Variants in XKR4 observed in about 807,000 individuals in gnomAD.
The protein encoded by XKR4 is XK-related protein 4.
XKR4 carries 12 observed loss-of-function variants against 53.9 expected under a neutral mutation model. The ratio of observed to expected loss-of-function variants is 0.22; its 90% CI spans 0.14 to 0.36. The LOEUF (loss-of-function observed/expected upper bound fraction) is 0.36. Among genes scored for constraint, XKR4 ranks in the 10% least tolerant of loss-of-function variants. The probability of loss-of-function intolerance (pLI) is 1.00; values close to 1 mark genes in which losing one functional copy is unlikely to be tolerated. For missense variants in XKR4, 799 were observed against 859.5 expected (o/e 0.93, Z 0.88); for synonymous variants, 354 against 362.4 (o/e 0.98, Z 0.26).
Position 55,534,714 on chromosome 8 carries a change from C to A in XKR4, c.*10487C>A, listed in dbSNP as rs577940796. Reference sequence around the variant, plus strand: ...GACTAAATTTTCACATAGAGGTAAACAGATCATCTCTTAATTTAATACATG... The same window carrying A: ...GACTAAATTTTCACATAGAGGTAAAAAGATCATCTCTTAATTTAATACATG... On this transcript the variant is annotated 3_prime_UTR_variant, in exon 3 of 3. Coordinates refer to ENST00000327381, the MANE Select transcript of XKR4 (RefSeq NM_052898.2). The A allele has an allele frequency of 2.0e-5, 3 of 151,124 alleles. No homozygotes were observed. The South Asian group carries it at 6.3e-4, about 32-fold the overall frequency. 9.4% of individuals were successfully genotyped at this position (151,124 alleles called of 1,614,324 possible). A position where few individuals can be genotyped will look rare whatever the true frequency, so the allele number is the denominator to read the frequency against.
intron 1 of XKR4, among the ~76,000 whole-genome samples, chr8:55,188,199 C>T (rs917192545): frequency 1.3e-5 from 2 of 152,184 alleles, no homozygotes; most frequent in African/African-American, 4.8e-5. Context: ...TGAAACACCT[C>T]TTGCAACTAA....
chr8:55,254,022 T>C (rs1295049058), intron 1 of XKR4, among the ~76,000 whole-genome samples: 1 of 152,006 alleles, frequency 6.6e-6, no homozygotes. Context: ...GCCTGGCCTG[T>C]CGCCTATTTT....
chr8:55,342,136 ACT>A (rs1803558788), intron 1 of XKR4, among the ~76,000 whole-genome samples: 1 of 151,366 alleles, frequency 6.6e-6, no homozygotes, highest in South Asian at 2.1e-4. Context: ...GTAAATGGCA[ACT>A]CTATCTTTCC....
chr8:55,308,424 G>C (rs1459041304), intron 1 of XKR4, among the ~76,000 whole-genome samples: 2 of 149,316 alleles, frequency 1.3e-5, no homozygotes, highest in South Asian at 2.1e-4. Context: ...GCAGGAGAGA[G>C]AGTGTGTGTG....
chr8:55,448,592 T>G (rs536690578), intron 2 of XKR4, among the ~76,000 whole-genome samples: 1 of 152,358 alleles, frequency 6.6e-6, no homozygotes, highest in Admixed American at 6.5e-5. Context: ...CACATTTTAT[T>G]TATTTTTCTC....
At chr8:55,405,623 C>T (rs937848989) in intron 2 of XKR4, among the ~76,000 whole-genome samples, 1 of 152,132 alleles carries the variant, frequency 6.6e-6, no homozygotes, top group Non-Finnish European at 1.5e-5. Context: ...CCGCAGATTC[C>T]ATTGATGGTA....
intron 2 of XKR4, among the ~76,000 whole-genome samples, chr8:55,390,912 T>A (rs1804435817): frequency 6.6e-6 from 1 of 152,246 alleles, no homozygotes. Flanking sequence ...TACCAAATTG[T>A]TAAATGTAAA....
intron 1 of XKR4, among the ~76,000 whole-genome samples, chr8:55,216,650 CT>C (rs1817803404): frequency 6.6e-6 from 1 of 150,760 alleles, no homozygotes; most frequent in Non-Finnish European, 1.5e-5. Context: ...TAGCTTGAAC[CT>C]GGGAGGCAGA....
chr8:55,309,727 G>T (rs904015306), intron 1 of XKR4, among the ~76,000 whole-genome samples: 1 of 152,302 alleles, frequency 6.6e-6, no homozygotes, highest in East Asian at 1.9e-4. Context: ...TCTTGCAGCT[G>T]CATGTGAATC....
intron 1 of XKR4, among the ~76,000 whole-genome samples, chr8:55,132,067 C>A (rs1554561882): frequency 2.6e-5 from 4 of 152,166 alleles, no homozygotes; most frequent in Non-Finnish European, 5.9e-5. Context: ...GTCCAGGTAA[C>A]CAGCAGTCAG....
intron 1 of XKR4, among the ~76,000 whole-genome samples, chr8:55,116,684 A>G (rs1176195917): frequency 6.6e-6 from 1 of 152,192 alleles, no homozygotes; most frequent in African/African-American, 2.4e-5. Flanking sequence ...TTTCAAAGTA[A>G]TAGTTTTCTG....
chr8:55,322,421 A>T (rs1803229538), intron 1 of XKR4, among the ~76,000 whole-genome samples: 1 of 152,216 alleles, frequency 6.6e-6, no homozygotes, highest in Non-Finnish European at 1.5e-5. Flanking sequence ...TTTGCTAGTA[A>T]AAACAGCAAC....
At chr8:55,179,680 G>A (rs1408857471) in intron 1 of XKR4, among the ~76,000 whole-genome samples, 2 of 152,104 alleles carry the variant, frequency 1.3e-5, no homozygotes, top group East Asian at 1.9e-4. Context: ...TGTCTAAGTC[G>A]ATTTTTGTTG....
intron 1 of XKR4, among the ~76,000 whole-genome samples, chr8:55,182,191 T>C (rs915930514): frequency 2.9e-4 from 44 of 152,320 alleles, no homozygotes; most frequent in African/African-American, 9.6e-4. Flanking sequence ...CTTATAAATG[T>C]TACCTTCCAG....
chr8:55,266,896 C>T (rs1401288836), intron 1 of XKR4, among the ~76,000 whole-genome samples: 1 of 152,106 alleles, frequency 6.6e-6, no homozygotes, highest in African/African-American at 2.4e-5. Flanking sequence ...GGATAGAGTG[C>T]ATGTTATGTG....
intron 1 of XKR4, among the ~76,000 whole-genome samples, chr8:55,201,599 G>C (rs1359362894): frequency 4.6e-5 from 7 of 152,198 alleles, no homozygotes; most frequent in Non-Finnish European, 8.8e-5. Context: ...CCTGTCTCTA[G>C]AATGCTTGCT....
intron 2 of XKR4, among the ~76,000 whole-genome samples, chr8:55,401,555 A>C (rs1804602027): frequency 1.3e-5 from 2 of 152,326 alleles, no homozygotes; most frequent in South Asian, 2.1e-4. Flanking sequence ...TACCTGCAGA[A>C]CCTCCTTGGG....
At chr8:55,236,570 C>G (rs1818129856) in intron 1 of XKR4, among the ~76,000 whole-genome samples, 1 of 152,164 alleles carries the variant, frequency 6.6e-6, no homozygotes, top group African/African-American at 2.4e-5. Context: ...CGATAAACCT[C>G]CCCCTGAAGC....
At chr8:55,355,002 C>T (rs528813597) in intron 1 of XKR4, among the ~76,000 whole-genome samples, 17 of 150,854 alleles carry the variant, frequency 1.1e-4, no homozygotes, top group African/African-American at 4.1e-4. Context: ...CTCCTGGGTT[C>T]AAGTGATTCT....
Sources: gnomAD v4.1 joint callset for allele counts (sites outside exome capture counted in the v4.1 genomes callset) on GRCh38, gnomAD v4.1.1 for gene constraint, MANE v1.5 for transcripts, NCBI Gene and HGNC (gene_info 2026-07-23, HGNC 2026-07-21) for gene names.